Variants in SIK3 observed in about 807,000 individuals in gnomAD.
SIK3 encodes the protein SIK family kinase 3.
A neutral mutation model predicts 144.2 loss-of-function variants in SIK3; 28 were observed. The ratio of observed to expected loss-of-function variants is 0.19; its 90% CI spans 0.14 to 0.27. The LOEUF (loss-of-function observed/expected upper bound fraction) is 0.27. SIK3 is among the 10% of genes least tolerant of loss of function. The pLI is 1.00. For missense variants in SIK3, 1,319 were observed against 1,776.0 expected (o/e 0.74, Z 4.62); for synonymous variants, 686 against 676.3 (o/e 1.01, Z -0.22).
rs1228075470 is a variant in SIK3 at position 116,867,966 on chromosome 11, G to A, written c.1932C>T (p.His644=). The change falls in exon 15 of 25, where the codon CAC becomes CAT. Residue 644 remains histidine, a synonymous_variant. Transcript: ENST00000445177. This position sits in a 1 kb window ranked among gnomAD's most constrained non-coding sequence, Gnocchi z 4.1. ...QPFRSRVWPP[H]LVPDQHRSTY... is the part of the protein sequence containing the mutation. ...CTCACCGATGCTGATCAGGTACCAGGTGAGGAGGCCAGACCCGGGAACGGA... is the reference window on the plus strand; with the variant it reads ...CTCACCGATGCTGATCAGGTACCAGATGAGGAGGCCAGACCCGGGAACGGA... The A allele has an allele frequency of 6.5e-7, 1 of 1,548,096 alleles. No individual in the cohort carries two copies. The highest frequency in any genetic ancestry group is 1.4e-5 in the African/African-American group (1 of 73,042).
At chr11:116,857,652 A>G in intron 21 of SIK3, 158 bp downstream of exon 21, 2 of 1,298,408 alleles carry the variant, frequency 1.5e-6, no homozygotes, top group Non-Finnish European at 2.0e-6. Context: ...TTGCCCACCA[A>G]TACCCACTTC....
Position 116,965,770 on chromosome 11 carries a change from T to C in SIK3, c.274-8706A>G, listed in dbSNP as rs771005371. Among the ~76,000 whole-genome samples, 103 of 58,326 alleles carry C rather than the reference T, an allele frequency of 1.8e-3. 1 individual carries two copies. Among genetic ancestry groups the C allele is most frequent in the Non-Finnish European group, 3.3e-3 (82 of 24,916 alleles). The allele number at this position is 58,326 out of a possible 152,430, so 38.3% of individuals were successfully genotyped here. On this transcript the variant is annotated intron_variant, in intron 1 of 24. Transcript: ENST00000445177. Reference sequence around the variant, plus strand: ...ATATATATATATATATATATATATATATATATATATATAAATTAGCCAAAC... The same window carrying C: ...ATATATATATATATATATATATATACATATATATATATAAATTAGCCAAAC...
chr11:117,039,319 C>T (rs2135845775), intron 1 of SIK3, among the ~76,000 whole-genome samples: 2 of 152,290 alleles, frequency 1.3e-5, no homozygotes, highest in African/African-American at 4.8e-5. Context: ...GGTGAGGTCT[C>T]GCTATGTTGC....
chr11:117,016,049 G>A (rs1336500692), intron 1 of SIK3: 1 of 152,148 alleles, frequency 6.6e-6, no homozygotes, highest in African/African-American at 2.4e-5. Flanking sequence ...ATCCTGGCTA[G>A]GCATCATGGT....
intron 6 of SIK3, chr11:116,893,965 G>A (rs1945266073): frequency 6.0e-6 from 1 of 167,140 alleles, no homozygotes; most frequent in South Asian, 2.1e-4. Flanking sequence ...AATCATTAAT[G>A]ATCTAGGAAG....
intron 4 of SIK3, among the ~76,000 whole-genome samples, chr11:116,911,863 G>A (rs1400219501): frequency 1.3e-5 from 2 of 152,154 alleles, no homozygotes; most frequent in South Asian, 2.1e-4. Context: ...CTTATTTACT[G>A]GCAATGGGAA....
chr11:116,992,927 G>A (rs1188099858), intron 1 of SIK3, among the ~76,000 whole-genome samples: 2 of 152,236 alleles, frequency 1.3e-5, no homozygotes, highest in Non-Finnish European at 2.9e-5. Flanking sequence ...AGAGGCTGCA[G>A]TGAGCCGTGA....
chr11:116,901,829 C>T (rs1183662782), intron 4 of SIK3, among the ~76,000 whole-genome samples: 5 of 152,022 alleles, frequency 3.3e-5, no homozygotes, highest in South Asian at 2.1e-4. Context: ...TTTGAAACAC[C>T]GTAACTTTCA....
chr11:116,860,243 CAA>C (rs199929948), intron 19 of SIK3, among the ~76,000 whole-genome samples: 2 of 111,374 alleles, frequency 1.8e-5, no homozygotes, highest in African/African-American at 3.3e-5. Flanking sequence ...GACTCCATCT[CAA>C]AAAAAAAAAA....
chr11:117,017,815 G>A (rs2135722401), intron 1 of SIK3, among the ~76,000 whole-genome samples: 1 of 152,216 alleles, frequency 6.6e-6, no homozygotes, highest in East Asian at 1.9e-4. Context: ...GAAAATACCT[G>A]TCTAGATAGC....
Position 117,067,656 on chromosome 11 carries a change from T to A in SIK3, c.273+30487A>T, listed in dbSNP as rs12276446. On this transcript the variant is annotated intron_variant, in intron 1 of 24. Coordinates refer to ENST00000445177, the MANE Select transcript of SIK3 (RefSeq NM_001366686.3). ...GTAAACTTAAAATGGTTCAATCTTA[T>A]TGAATGTAAATTATGCCTCAATAAA... Among the ~76,000 whole-genome samples, 1,171 of 152,322 alleles carry A rather than the reference T, an allele frequency of 7.7e-3. 14 individuals carry two copies. The highest frequency in any genetic ancestry group is 0.024 in the African/African-American group (1,003 of 41,572).
In SIK3 at chr11:116,844,972, A is replaced by G. The variant is rs1145207; in HGVS notation, c.*671T>C. ...CCAAACTCTTCATATGATCTTGGCT[A>G]GGACAGACATGTTTTCCGTGGATCC... On this transcript the variant is annotated 3_prime_UTR_variant, in exon 25 of 25. Coordinates refer to ENST00000445177, the MANE Select transcript of SIK3 (RefSeq NM_001366686.3). 25,253 of 151,986 alleles carry G rather than the reference A, an allele frequency of 0.17. 4,407 individuals are homozygous for G. Among genetic ancestry groups the G allele is most frequent in the African/African-American group, 0.44 (18,391 of 41,366 alleles). 9.4% of individuals were successfully genotyped at this position (151,986 alleles called of 1,614,324 possible). A position where few individuals can be genotyped will look rare whatever the true frequency, so the allele number is the denominator to read the frequency against.
chr11:116,934,674 C>G (rs959014655), intron 3 of SIK3, among the ~76,000 whole-genome samples: 1 of 152,182 alleles, frequency 6.6e-6, no homozygotes, highest in Non-Finnish European at 1.5e-5. Flanking sequence ...ATGATGGATA[C>G]TTAATAATTA....
intron 1 of SIK3, among the ~76,000 whole-genome samples, chr11:117,055,588 A>G (rs748452072): frequency 7.2e-5 from 11 of 152,244 alleles, no homozygotes; most frequent in Non-Finnish European, 1.3e-4. Flanking sequence ...ATCCAGAAGA[A>G]TATAATCGCT....
chr11:116,848,334 AAG>A (rs1208354333), intron 22 of SIK3, among the ~76,000 whole-genome samples: 6 of 152,034 alleles, frequency 3.9e-5, no homozygotes, highest in African/African-American at 1.5e-4. Context: ...GTGACAGAGC[AAG>A]ACTCTGTCTC....
chr11:116,958,796 C>T (rs945203064), intron 1 of SIK3, among the ~76,000 whole-genome samples: 22 of 152,148 alleles, frequency 1.4e-4, no homozygotes. Flanking sequence ...TGCATTTCTA[C>T]TTCTCCTCAT....
intron 1 of SIK3, among the ~76,000 whole-genome samples, chr11:117,067,584 A>C (rs1288849164): frequency 6.6e-6 from 1 of 152,212 alleles, no homozygotes. Context: ...CTGTATCTTG[A>C]TTGTATGGTT....
chr11:117,013,816 A>G (rs1245797924), intron 1 of SIK3, among the ~76,000 whole-genome samples: 3 of 145,328 alleles, frequency 2.1e-5, no homozygotes, highest in Non-Finnish European at 4.5e-5. Flanking sequence ...AGACCCAGAG[A>G]AGGAAAGGAG....
chr11:116,904,265 G>A (rs180927033), intron 4 of SIK3, among the ~76,000 whole-genome samples: 171 of 152,262 alleles, frequency 1.1e-3, no homozygotes, highest in Non-Finnish European at 2.1e-3. Flanking sequence ...CAGTCAGGAG[G>A]GAGCACGAGC....
Sources: allele counts gnomAD v4.1 joint callset (sites outside exome capture counted in the v4.1 genomes callset), GRCh38; gene constraint gnomAD v4.1.1; non-coding constraint Gnocchi (gnomAD v3.1); transcripts MANE v1.5; gene names NCBI Gene and HGNC (gene_info 2026-07-23, HGNC 2026-07-21).